The following GP5 variants were observed in gnomAD, a reference collection of about 807,000 sequenced individuals.
The protein encoded by GP5 is glycoprotein V platelet.
For synonymous variants in GP5, 382 were observed against 353.9 expected (o/e 1.08, Z -0.89); for missense variants, 755 against 737.1 (o/e 1.02, Z -0.28).
chr3:194,397,482 A>G lies in GP5; in HGVS notation c.801T>C (p.Asn267=). The G allele has an allele frequency of 3.1e-6, 5 of 1,613,856 alleles. No homozygotes were observed. Among genetic ancestry groups the G allele is most frequent in the Non-Finnish European group, 3.4e-6 (4 of 1,179,978 alleles). The change falls in exon 2 of 2, where the codon AAT becomes AAC. Residue 267 remains asparagine, a synonymous_variant. Transcript: ENST00000692618. This position sits in a 1 kb window ranked among gnomAD's most constrained non-coding sequence, Gnocchi z 7.2. ...LPSALFLHSH[N]LTLLTLFENP... ...TCTCGAACAGAGTCAACAGAGTCAG[A>G]TTGTGCGAATGAAGAAAGAGCGCAG...
At position 194,397,329 on chromosome 3, in the gene GP5, G is replaced by C; in HGVS notation, c.954C>G (p.Tyr318Ter). 2 of 1,597,810 alleles carry C rather than the reference G, an allele frequency of 1.3e-6. No homozygotes were observed. Among genetic ancestry groups the C allele is most frequent in the South Asian group, 1.1e-5 (1 of 90,362 alleles). ...AAFRNLSRLR[Y>*]LGVTLSPRLS... The stretch of plus-strand genomic sequence containing the variant: ...GCCGCGGGCTCAGAGTCACCCCTAA[G>C]TACCGCAGGCGGCTCAGGTTGCGGA... Residue 318 changes from tyrosine (Y) to a stop codon, truncating the protein, a stop_gained, in exon 2 of 2, where the codon TAC becomes TAG. Transcript: ENST00000692618. LOFTEE classifies it low-confidence loss of function (END_TRUNC). This position sits in a 1 kb window ranked among gnomAD's most constrained non-coding sequence, Gnocchi z 7.2.
chr3:194,398,445 C>G, intron 1 of GP5, 161 bp from the exon 2 acceptor site: 1 of 678,804 alleles, frequency 1.5e-6, no homozygotes, highest in Non-Finnish European at 2.5e-6. Flanking sequence ...TGAAAAGACA[C>G]TCATTCTACA....
Position 194,397,919 on chromosome 3 carries a change from C to T in GP5, c.364G>A (p.Val122Met). The T allele has an allele frequency of 6.2e-7, 1 of 1,614,190 alleles. No individual in the cohort carries two copies. Among genetic ancestry groups the T allele is most frequent in the South Asian group, 1.1e-5 (1 of 91,084 alleles). Residue 122 changes from valine to methionine, a missense_variant, in exon 2 of 2, where the codon GTG (valine) becomes ATG (methionine). Transcript: ENST00000692618. The surrounding 1 kb of genome is among the most constrained non-coding windows in gnomAD (Gnocchi z 7.2). ...TCCAAAAACAACTGCTCCAGGAGCA[C>T]CATCTTATCCAGCAGCGCACCTGGA... ...HLPGALLDKM[V>M]LLEQLFLDHN...
Position 194,396,613 on chromosome 3 carries a change from C to G in GP5, c.1670G>C (p.Arg557Thr). The G allele has an allele frequency of 6.2e-7, 1 of 1,610,312 alleles. No individual in the cohort carries two copies. The highest frequency in any genetic ancestry group is 8.5e-7 in the Non-Finnish European group (1 of 1,177,754). ...TTTCCCATTGGTTTACCCAAGGGCT[C>G]TCTCTCTGATTAATTTTCGAAAGAG... Reference protein sequence around the residue: ...GQLFRKLIRERALG With the variant: ...GQLFRKLIRETALG Residue 557 changes from arginine to threonine, a missense_variant, in exon 2 of 2, where the codon AGA becomes ACA. By Grantham distance (71) the Arg-to-Thr change is moderately conservative. Coordinates refer to ENST00000692618, the MANE Select transcript of GP5 (RefSeq NM_004488.2).
At position 194,396,714 on chromosome 3, in the gene GP5, C is replaced by T. The variant is rs148261848; in HGVS notation, c.1569G>A (p.Gly523=). 38 of 1,614,122 alleles carry T rather than the reference C, an allele frequency of 2.4e-5. No individual in the cohort carries two copies. In the African/African-American group the frequency reaches 4.3e-4, roughly 18 times the overall value. The stretch of plus-strand genomic sequence containing the variant: ...GAACAGCTAAAAGCAGAAAATAAAA[C>T]CCCCAGAACGGACTATGATCTTGAC... ...GKGQDHSPFW[G]FYFLLLAVQA... The change falls in exon 2 of 2, where the codon GGG becomes GGA. Residue 523 remains glycine (G), a synonymous_variant. Transcript: ENST00000692618.
At position 194,397,457 on chromosome 3, in the gene GP5, T is replaced by C; in HGVS notation, c.826A>G (p.Asn276Asp). The change falls in exon 2 of 2, where the codon AAC becomes GAC. Residue 276 changes from asparagine (N) to aspartate (D), a missense_variant. By Grantham distance (23) the Asn-to-Asp change is conservative (BLOSUM62 1). Transcript: ENST00000692618. This position sits in a 1 kb window ranked among gnomAD's most constrained non-coding sequence, Gnocchi z 7.2. ...ACCCCCGGGAGCTCTGCCAGCGGGT[T>C]CTCGAACAGAGTCAACAGAGTCAGA... ...HNLTLLTLFENPLAELPGVLF... is the reference protein window; with the variant it reads ...HNLTLLTLFEDPLAELPGVLF... The C allele has an allele frequency of 6.2e-7, 1 of 1,613,548 alleles. No individual in the cohort carries two copies. The highest frequency in any genetic ancestry group is 8.5e-7 in the Non-Finnish European group (1 of 1,179,976).
Position 194,396,489 on chromosome 3 carries a change from G to A in GP5, c.*111C>T. On this transcript the variant is annotated 3_prime_UTR_variant, in exon 2 of 2. Coordinates refer to ENST00000692618, the MANE Select transcript of GP5 (RefSeq NM_004488.2). ...GCGTGGCAGTGAGAGAGAAGAGGAA[G>A]AAGAGAGGAGGAGTGGGGAGGGGAG... is the stretch of plus-strand genomic sequence containing the variant. 1.3e-6 allele frequency: 1 copy of A among 784,242 alleles called. No individual in the cohort carries two copies. The highest frequency in any genetic ancestry group is 1.9e-5 in the South Asian group (1 of 52,722). 48.6% of individuals were successfully genotyped at this position (784,242 alleles called of 1,614,324 possible).
chr3:194,398,806 A>C (rs1025099767), intron 1 of GP5, among the ~76,000 whole-genome samples: 1 of 152,232 alleles, frequency 6.6e-6, no homozygotes, highest in Non-Finnish European at 1.5e-5. Flanking sequence ...AACACCTTCA[A>C]TCAACAGCCA....
rs566684750 is a variant in GP5 at position 194,396,558 on chromosome 3, A to G, written c.*42T>C. 3 of 1,532,212 alleles carry G rather than the reference A, an allele frequency of 2.0e-6. No individual in the cohort carries two copies. The highest frequency in any genetic ancestry group is 2.5e-5 in the South Asian group (2 of 78,528). The allele number at this position is 1,532,212 out of a possible 1,614,324, so 94.9% of individuals were successfully genotyped here. A position where few individuals can be genotyped will look rare whatever the true frequency, so the allele number is the denominator to read the frequency against. Reference sequence around the variant, plus strand: ...GGGTCTGGATTCCCCTCCGAGCCACATCTGGTCAGGTTCTAAGTAATTAGA... The same window carrying G: ...GGGTCTGGATTCCCCTCCGAGCCACGTCTGGTCAGGTTCTAAGTAATTAGA... On this transcript the variant is annotated 3_prime_UTR_variant, in exon 2 of 2. Transcript: ENST00000692618.
Position 194,397,961 on chromosome 3 carries a change from T to C in GP5, c.322A>G (p.Asn108Asp). ...IKLKTLRLSR[N>D]KITHLPGALL... is the part of the protein sequence containing the mutation. ...GCACCTGGAAGATGCGTGATTTTGT[T>C]GCGCGACAGCCTCAGGGTTTTCAGT... The change falls in exon 2 of 2, where the codon AAC becomes GAC. Residue 108 changes from asparagine (N) to aspartate (D), a missense_variant. Asn to Asp is a conservative substitution (Grantham distance 23, BLOSUM62 1). Transcript: ENST00000692618. The surrounding 1 kb of genome is among the most constrained non-coding windows in gnomAD (Gnocchi z 7.2). 6.2e-7 allele frequency: 1 copy of C among 1,614,206 alleles called. No homozygotes were observed. Among genetic ancestry groups the C allele is most frequent in the Non-Finnish European group, 8.5e-7 (1 of 1,180,036 alleles).
chr3:194,395,548 C>A lies in GP5; in HGVS notation c.*1052G>T, dbSNP rs1232045428. On this transcript the variant is annotated 3_prime_UTR_variant, in exon 2 of 2. Transcript: ENST00000692618. ...GGAAACACGCTGGACCTACACTGGG[C>A]ACCTGGAGGGAAGGCTCCGTGTTTT... The A allele has an allele frequency of 6.6e-6, 1 of 152,258 alleles. No individual in the cohort carries two copies. The highest frequency in any genetic ancestry group is 2.1e-4 in the South Asian group (1 of 4,828). The allele number at this position is 152,258 out of a possible 1,614,324, so 9.4% of individuals were successfully genotyped here.
In GP5 at chr3:194,396,875, C is replaced by T; in HGVS notation, c.1408G>A (p.Ala470Thr). 2 of 1,537,188 alleles carry T rather than the reference C, an allele frequency of 1.3e-6. No individual in the cohort carries two copies. Among genetic ancestry groups the T allele is most frequent in the Non-Finnish European group, 8.7e-7 (1 of 1,149,282 alleles). ...GGGCCCCGGGGGCCCGGGCACTCCG[C>T]GTCACCCCCCGGCAGGGCCCAGAGC... ...LPLWALPGGD[A>T]ECPGPRGPPP... The change falls in exon 2 of 2, where the codon GCG (alanine) becomes ACG (threonine). Residue 470 changes from alanine to threonine, a missense_variant. Ala to Thr is a moderately conservative substitution (Grantham distance 58). Transcript: ENST00000692618.
chr3:194,395,120 T>A lies in GP5; in HGVS notation c.*1480A>T, dbSNP rs1216626648. 3.9e-5 allele frequency: 6 copies of A among 152,212 alleles called. No homozygotes were observed. Among genetic ancestry groups the A allele is most frequent in the Non-Finnish European group, 8.8e-5 (6 of 68,048 alleles). 9.4% of individuals were successfully genotyped at this position (152,212 alleles called of 1,614,324 possible). On this transcript the variant is annotated 3_prime_UTR_variant, in exon 2 of 2. Coordinates refer to ENST00000692618, the MANE Select transcript of GP5 (RefSeq NM_004488.2). Reference sequence around the variant, plus strand: ...TCTCACAAAAACTCTACGAAGCAGGTACTATGTTATCCTGTTTTAAGGTTC... The same window carrying A: ...TCTCACAAAAACTCTACGAAGCAGGAACTATGTTATCCTGTTTTAAGGTTC...
rs186560527 is a variant in GP5 at position 194,396,195 on chromosome 3, T to C, written c.*405A>G. On this transcript the variant is annotated 3_prime_UTR_variant, in exon 2 of 2. Coordinates refer to ENST00000692618, the MANE Select transcript of GP5 (RefSeq NM_004488.2). ...CAGGAGACAGGCCCCGGCCTGGAGC[T>C]GTCCCCTTACTCAGTAGACACTGAA... is the stretch of plus-strand genomic sequence containing the variant. 1.2e-4 allele frequency: 21 copies of C among 174,326 alleles called. No homozygotes were observed. The highest frequency in any genetic ancestry group is 1.2e-3 in the Admixed American group (20 of 16,802). The allele number at this position is 174,326 out of a possible 1,614,324, so 10.8% of individuals were successfully genotyped here.
rs1714438183 is a variant in GP5 at position 194,395,872 on chromosome 3, CTACTT to C, written c.*723_*727del. 6.6e-6 allele frequency: 1 copy of C among 152,270 alleles called. No homozygotes were observed. Among genetic ancestry groups the C allele is most frequent in the South Asian group, 2.1e-4 (1 of 4,830 alleles). The allele number at this position is 152,270 out of a possible 1,614,324, so 9.4% of individuals were successfully genotyped here. Reference sequence around the variant, plus strand: ...AGGCCAATATGGCAAAGCCCCGTCTCTACTTTAAAAAGTACAAAAATTAGCCGGGT... The same window carrying C: ...AGGCCAATATGGCAAAGCCCCGTCTCTAAAAAGTACAAAAATTAGCCGGGT... On this transcript the variant is annotated 3_prime_UTR_variant, in exon 2 of 2. Transcript: ENST00000692618.
In GP5 at chr3:194,396,597, G is replaced by T; in HGVS notation, c.*3C>A. The T allele has an allele frequency of 6.2e-7, 1 of 1,601,226 alleles. No homozygotes were observed. The highest frequency in any genetic ancestry group is 8.5e-7 in the Non-Finnish European group (1 of 1,172,996). ...TAAGTAATTAGAAGATTTTCCCATT[G>T]GTTTACCCAAGGGCTCTCTCTCTGA... On this transcript the variant is annotated 3_prime_UTR_variant, in exon 2 of 2. Coordinates refer to ENST00000692618, the MANE Select transcript of GP5 (RefSeq NM_004488.2).
rs1364313367 is a variant in GP5, at chr3:194,398,138, G to A, written c.145C>T (p.Pro49Ser). The A allele has an allele frequency of 6.2e-7, 1 of 1,613,212 alleles. No homozygotes were observed. The highest frequency in any genetic ancestry group is 2.2e-5 in the East Asian group (1 of 44,880). Residue 49 changes from proline (P) to serine (S), a missense_variant, in exon 2 of 2, where the codon CCC becomes TCC. Pro to Ser is a moderately conservative substitution (Grantham distance 74). Coordinates refer to ENST00000692618, the MANE Select transcript of GP5 (RefSeq NM_004488.2). ...DVARISALGL[P>S]TNLTHILLFG... ...AGCAGGATGTGCGTGAGGTTGGTGGGCAGGCCTAGCGCGGAGATGCGCGCC... is the reference window on the plus strand; with the variant it reads ...AGCAGGATGTGCGTGAGGTTGGTGGACAGGCCTAGCGCGGAGATGCGCGCC...
Position 194,396,225 on chromosome 3 carries a change from C to T in GP5, c.*375G>A, listed in dbSNP as rs73069169. The T allele has an allele frequency of 0.054, 10,395 of 192,642 alleles. 410 individuals are homozygous for T. Among genetic ancestry groups the T allele is most frequent in the South Asian group, 0.13 (856 of 6,430 alleles). The allele number at this position is 192,642 out of a possible 1,614,324, so 11.9% of individuals were successfully genotyped here. On this transcript the variant is annotated 3_prime_UTR_variant, in exon 2 of 2. Transcript: ENST00000692618. Reference sequence around the variant, plus strand: ...CCTTACTCAGTAGACACTGAAGAGGCCCCTCTCTCCACCAGACGCCAAGCC... The same window carrying T: ...CCTTACTCAGTAGACACTGAAGAGGTCCCTCTCTCCACCAGACGCCAAGCC...
At position 194,397,531 on chromosome 3, in the gene GP5, C is replaced by T. The variant is rs1373864144; in HGVS notation, c.752G>A (p.Arg251Lys). The T allele has an allele frequency of 6.2e-7, 1 of 1,614,120 alleles. No homozygotes were observed. ...LPNLSSLTLS[R>K]NHLAFLPSAL... The stretch of plus-strand genomic sequence containing the variant: ...AGAGGGGAGAAACGCAAGGTGGTTT[C>T]TCGAAAGCGTCAAAGAACTGAGGTT... Residue 251 changes from arginine to lysine, a missense_variant, in exon 2 of 2, where the codon AGA becomes AAA. Transcript: ENST00000692618. This position sits in a 1 kb window ranked among gnomAD's most constrained non-coding sequence, Gnocchi z 7.2.
Sources: gnomAD v4.1 joint callset for allele counts (sites outside exome capture counted in the v4.1 genomes callset) on GRCh38, gnomAD v4.1.1 for gene constraint, Gnocchi (gnomAD v3.1) non-coding constraint, MANE v1.5 for transcripts, NCBI Gene and HGNC (gene_info 2026-07-23, HGNC 2026-07-21) for gene names.